RYR1: variants seen among roughly 807,000 people sequenced by gnomAD.
RYR1 encodes the protein ryanodine receptor 1, also known as central core disease of muscle.
RYR1 carries 342 observed loss-of-function variants against 583.5 expected under a neutral mutation model. The ratio of observed to expected loss-of-function variants is 0.59; its 90% CI spans 0.54 to 0.64. The LOEUF is 0.64. Among genes scored for constraint, RYR1 ranks in the 30% least tolerant of loss-of-function variants. The probability of loss-of-function intolerance (pLI) is 0.00; values close to 1 mark genes in which losing one functional copy is unlikely to be tolerated. For synonymous variants in RYR1, 2,791 were observed against 2,822.5 expected (o/e 0.99, Z 0.35); for missense variants, 6,032 against 6,917.2 (o/e 0.87, Z 4.54).
At chr19:38,542,541 G>A (rs551252149) in intron 84 of RYR1, among the ~76,000 whole-genome samples, 33 of 151,980 alleles carry the variant, frequency 2.2e-4, no homozygotes, top group African/African-American at 6.7e-4. Context: ...TTTTTGAGAC[G>A]GAGTTTCACT....
intron 9 of RYR1, among the ~76,000 whole-genome samples, chr19:38,447,497 C>T (rs892360854): frequency 8.6e-5 from 13 of 151,648 alleles, no homozygotes; most frequent in African/African-American, 3.2e-4. Context: ...GCTGAGATTG[C>T]ACCATTGCAT....
intron 34 of RYR1, among the ~76,000 whole-genome samples, chr19:38,486,669 C>T (rs1969315728): frequency 6.6e-6 from 1 of 152,178 alleles, no homozygotes; most frequent in African/African-American, 2.4e-5. Context: ...TATCCTCCCA[C>T]CATCTCCCTA....
chr19:38,580,014 G>A lies in RYR1; in HGVS notation c.14397G>A (p.Met4799Ile). Residue 4799 changes from methionine (M) to isoleucine (I), a missense_variant, in exon 100 of 106, where the codon ATG (methionine) becomes ATA (isoleucine). Coordinates refer to ENST00000359596, the MANE Select transcript of RYR1 (RefSeq NM_000540.3). Reference sequence around the variant, plus strand: ...TGTACCTGGGCTGGTATATGGTGATGTCCCTCTTGGGACACTACAACAACT... The same window carrying A: ...TGTACCTGGGCTGGTATATGGTGATATCCCTCTTGGGACACTACAACAACT... ...SFLYLGWYMV[M>I]SLLGHYNNFF... The A allele has an allele frequency of 1.2e-6, 2 of 1,614,184 alleles. No homozygotes were observed. The highest frequency in any genetic ancestry group is 1.7e-6 in the Non-Finnish European group (2 of 1,180,036).
chr19:38,435,323 C>T (rs1184497998), intron 1 of RYR1, among the ~76,000 whole-genome samples: 1 of 152,214 alleles, frequency 6.6e-6, no homozygotes, highest in Non-Finnish European at 1.5e-5. Flanking sequence ...AAAATCTGGG[C>T]CCAGACTTGC....
At position 38,525,316 on chromosome 19, in the gene RYR1, C is replaced by T. The variant is rs1331020784; in HGVS notation, c.10456-16C>T. 6.2e-7 allele frequency: 1 copy of T among 1,613,766 alleles called. No individual in the cohort carries two copies. Among genetic ancestry groups the T allele is most frequent in the Non-Finnish European group, 8.5e-7 (1 of 1,179,954 alleles). On this transcript the variant is annotated splice_polypyrimidine_tract_variant and intron_variant, in intron 70 of 105. Coordinates refer to ENST00000359596, the MANE Select transcript of RYR1 (RefSeq NM_000540.3). ...GATTGGGGCTTGGGCTGGTGCTGAGCCCTGTGTCCCCACAGTCCGGTGGCT... is the reference window on the plus strand; with the variant it reads ...GATTGGGGCTTGGGCTGGTGCTGAGTCCTGTGTCCCCACAGTCCGGTGGCT...
chr19:38,516,872 C>A (rs1012820683), intron 65 of RYR1, among the ~76,000 whole-genome samples: 1 of 152,144 alleles, frequency 6.6e-6, no homozygotes, highest in Admixed American at 6.6e-5. Flanking sequence ...GGGAAATATA[C>A]GCTCCAAGGC....
intron 93 of RYR1, among the ~76,000 whole-genome samples, chr19:38,570,134 C>G (rs1351980667): frequency 6.6e-6 from 1 of 152,048 alleles, no homozygotes; most frequent in Non-Finnish European, 1.5e-5. Context: ...GCATTCGAGC[C>G]TGGGTGACAG....
intron 24 of RYR1, 85 bp downstream of exon 24, chr19:38,466,483 C>T: frequency 1.5e-6 from 2 of 1,303,282 alleles, no homozygotes; most frequent in Non-Finnish European, 2.1e-6. Context: ...CCTGACTCAG[C>T]CCCCAAATGG....
intron 5 of RYR1, 151 bp downstream of exon 5, chr19:38,443,947 C>A: frequency 1.2e-6 from 1 of 839,282 alleles, no homozygotes. Flanking sequence ...ACAGTCCAGA[C>A]AGGGAGACAG....
chr19:38,498,345 G>A (rs1969941999), intron 42 of RYR1, among the ~76,000 whole-genome samples: 1 of 152,132 alleles, frequency 6.6e-6, no homozygotes, highest in Admixed American at 6.5e-5. Context: ...AACAGATTGA[G>A]GGGAAGGCAG....
chr19:38,528,286 T>C lies in RYR1; in HGVS notation c.10825-20T>C. 7 of 1,601,086 alleles carry C rather than the reference T, an allele frequency of 4.4e-6. No individual in the cohort carries two copies. Among genetic ancestry groups the C allele is most frequent in the Non-Finnish European group, 6.0e-6 (7 of 1,168,450 alleles). The stretch of plus-strand genomic sequence containing the variant: ...GGGGCAGGGTCTGGGGATGTGACTG[T>C]CCTGCTATCCCCTCCCCAGACCGAG... On this transcript the variant is annotated intron_variant, in intron 73 of 105. Coordinates refer to ENST00000359596, the MANE Select transcript of RYR1 (RefSeq NM_000540.3).
chr19:38,465,858 C>T (rs1336335053), intron 23 of RYR1, among the ~76,000 whole-genome samples: 2 of 152,170 alleles, frequency 1.3e-5, no homozygotes, highest in African/African-American at 4.8e-5. Context: ...AAAGTCAAGA[C>T]AAAGGGGGCT....
intron 96 of RYR1, 36 bp from the exon 97 acceptor site, chr19:38,575,883 A>G: frequency 2.0e-5 from 32 of 1,612,964 alleles, no homozygotes; most frequent in Non-Finnish European, 2.5e-5. Context: ...TGGCCCTAAC[A>G]TCTTATACTC....
At chr19:38,533,107 C>G (rs1456943976) in intron 78 of RYR1, among the ~76,000 whole-genome samples, 1 of 151,652 alleles carries the variant, frequency 6.6e-6, no homozygotes, top group Non-Finnish European at 1.5e-5. Context: ...CCTGACCCAG[C>G]CTGCAGGAAA....
intron 102 of RYR1, among the ~76,000 whole-genome samples, 174 bp downstream of exon 102, chr19:38,585,273 G>T (rs555847265): frequency 4.9e-4 from 75 of 151,826 alleles, no homozygotes; most frequent in Middle Eastern, 6.8e-3. Context: ...CAAAACGAGG[G>T]TGTCAATGGT....
Position 38,575,979 on chromosome 19 carries a change from C to T in RYR1, c.14172+18C>T. 6.2e-7 allele frequency: 1 copy of T among 1,613,948 alleles called. No homozygotes were observed. Among genetic ancestry groups the T allele is most frequent in the Non-Finnish European group, 8.5e-7 (1 of 1,179,822 alleles). ...AGCGCAAGGTGAGAGGACATGGATG[C>T]CCTGGGTCCTGGATTGGGTCCCTGC... On this transcript the variant is annotated intron_variant, in intron 97 of 105. Coordinates refer to ENST00000359596, the MANE Select transcript of RYR1 (RefSeq NM_000540.3).
At chr19:38,486,397 G>A (rs1236663067) in intron 34 of RYR1, among the ~76,000 whole-genome samples, 195 bp downstream of exon 34, 1 of 152,016 alleles carries the variant, frequency 6.6e-6, no homozygotes, top group East Asian at 1.9e-4. Context: ...AGGCTGGAGT[G>A]CAGTGGCGCA....
Position 38,459,188 on chromosome 19 carries a change from TG to T in RYR1, c.2212del (p.Ala738ProfsTer5). The T allele has an allele frequency of 6.2e-7, 1 of 1,614,112 alleles. No homozygotes were observed. On this transcript the variant is annotated frameshift_variant, in exon 19 of 106. Coordinates refer to ENST00000359596, the MANE Select transcript of RYR1 (RefSeq NM_000540.3). LOFTEE classifies it high-confidence loss of function. ...RPVTSPGQHL[L>X]APEDVISCCL... is the part of the protein sequence containing the mutation. ...GTGACTTCCCCAGGGCAGCACCTCCTGGCCCCTGAAGACGTGATCAGCTGCT... is the reference window on the plus strand; with the variant it reads ...GTGACTTCCCCAGGGCAGCACCTCCTGCCCCTGAAGACGTGATCAGCTGCT...
rs750022861 is a variant in RYR1, at chr19:38,543,803, G to T, written c.11940G>T (p.Ala3980=). 28 of 1,613,588 alleles carry T rather than the reference G, an allele frequency of 1.7e-5. No individual in the cohort carries two copies. Among genetic ancestry groups the T allele is most frequent in the Non-Finnish European group, 2.2e-5 (26 of 1,180,026 alleles). Residue 3980 remains alanine, a synonymous_variant, in exon 87 of 106, where the codon GCG becomes GCT. Transcript: ENST00000359596. The surrounding 1 kb of genome is among the most constrained non-coding windows in gnomAD (Gnocchi z 4.4). ...GCACCGGGAACCAGCAGAGCCTGGC[G>T]CACAGTCGCCTATGGGACGCAGTGG... The part of the protein sequence containing the change: ...GPCTGNQQSL[A]HSRLWDAVVG...
Sources: allele counts gnomAD v4.1 joint callset (sites outside exome capture counted in the v4.1 genomes callset), GRCh38; gene constraint gnomAD v4.1.1; non-coding constraint Gnocchi (gnomAD v3.1); transcripts MANE v1.5; gene names NCBI Gene and HGNC (gene_info 2026-07-23, HGNC 2026-07-21).